Variants in PID1 observed in about 807,000 individuals in gnomAD.
The protein encoded by PID1 is PTB-containing, cubilin and LRP1-interacting protein.
Under a neutral mutation model 19.1 loss-of-function variants are expected in PID1, and 10 were observed. That is an observed-to-expected ratio of 0.52 (90% CI 0.32 to 0.89). PID1 has a LOEUF of 0.89. PID1 is among the 40% of genes least tolerant of loss of function. PID1 has a pLI of 0.03. For synonymous variants in PID1, 130 were observed against 116.0 expected (o/e 1.12, Z -0.78); for missense variants, 248 against 285.3 (o/e 0.87, Z 0.94).
intron 1 of PID1, among the ~76,000 whole-genome samples, chr2:229,173,705 G>A (rs531167851): frequency 2.5e-4 from 38 of 152,284 alleles, no homozygotes; most frequent in African/African-American, 7.9e-4. Context: ...AGGAAGCCTA[G>A]AGCTGGTAGT....
intron 2 of PID1, among the ~76,000 whole-genome samples, chr2:229,027,264 CTTT>C (rs1693444854): frequency 1.3e-5 from 2 of 152,224 alleles, no homozygotes; most frequent in Admixed American, 6.5e-5. Flanking sequence ...AAGAAAATAA[CTTT>C]TTAATAAAGA....
intron 2 of PID1, among the ~76,000 whole-genome samples, chr2:229,049,422 T>A (rs1381360249): frequency 6.6e-6 from 1 of 152,164 alleles, no homozygotes; most frequent in African/African-American, 2.4e-5. Flanking sequence ...TTGGCCAGAA[T>A]GTCTAGAATA....
chr2:229,088,804 G>A (rs988289661), intron 2 of PID1, among the ~76,000 whole-genome samples: 6 of 151,978 alleles, frequency 3.9e-5, no homozygotes, highest in East Asian at 1.9e-4. Context: ...ATCAAAAGCC[G>A]GTTCACTACT....
In PID1 at chr2:229,204,556, T is replaced by C. The variant is rs368849502; in HGVS notation, c.31-48592A>G. Among the ~76,000 whole-genome samples, 13 of 152,220 alleles carry C rather than the reference T, an allele frequency of 8.5e-5. No homozygotes were observed. The East Asian group carries it at 2.5e-3, about 29-fold the overall frequency. ...ATCTGTGCCCACCATTTTGTTTCAA[T>C]AGTATTTGATTAGTTTGTCCACCTA... On this transcript the variant is annotated intron_variant, in intron 1 of 2. Coordinates refer to ENST00000392055, the MANE Select transcript of PID1 (RefSeq NM_001100818.2).
intron 1 of PID1, among the ~76,000 whole-genome samples, chr2:229,267,008 C>T (rs1328915558): frequency 1.3e-5 from 2 of 151,974 alleles, no homozygotes; most frequent in Non-Finnish European, 2.9e-5. Context: ...AAAGTGGCAT[C>T]ATCATAGAGA....
At chr2:229,036,731 G>C (rs563246175) in intron 2 of PID1, among the ~76,000 whole-genome samples, 4 of 152,136 alleles carry the variant, frequency 2.6e-5, no homozygotes, top group Admixed American at 2.6e-4. Context: ...CTGGGCAACA[G>C]AGCTAGACTC....
chr2:229,240,984 T>C (rs1199734546), intron 1 of PID1, among the ~76,000 whole-genome samples: 1 of 152,158 alleles, frequency 6.6e-6, no homozygotes, highest in Non-Finnish European at 1.5e-5. Flanking sequence ...TTCAATTTGC[T>C]GTCAGGCCCA....
At chr2:229,141,293 A>G (rs1230365141) in intron 2 of PID1, among the ~76,000 whole-genome samples, 1 of 152,078 alleles carries the variant, frequency 6.6e-6, no homozygotes, top group African/African-American at 2.4e-5. Flanking sequence ...CCTCCAAACC[A>G]GATGTTCCTG....
intron 1 of PID1, among the ~76,000 whole-genome samples, chr2:229,266,553 TAAC>T (rs1690596505): frequency 6.6e-6 from 1 of 152,334 alleles, no homozygotes; most frequent in Admixed American, 6.5e-5. Context: ...TATTTATTAA[TAAC>T]AACAGCACCA....
At chr2:229,199,751 TACAC>T (rs142246557) in intron 1 of PID1, among the ~76,000 whole-genome samples, 2 of 140,214 alleles carry the variant, frequency 1.4e-5, no homozygotes, top group Non-Finnish European at 1.5e-5. Context: ...TATATACACA[TACAC>T]ACACACACAC....
chr2:229,199,380 G>A (rs1691443861), intron 1 of PID1, among the ~76,000 whole-genome samples: 1 of 151,796 alleles, frequency 6.6e-6, no homozygotes, highest in East Asian at 1.9e-4. Flanking sequence ...TCCACCATGG[G>A]AAGGGCTCTC....
intron 2 of PID1, among the ~76,000 whole-genome samples, chr2:229,149,104 A>G (rs1043464270): frequency 2.3e-4 from 35 of 151,500 alleles, no homozygotes; most frequent in African/African-American, 8.2e-4. Context: ...CTGTCTTGGT[A>G]TTAAAGTCAG....
At chr2:229,268,491 C>G (rs1690652385) in intron 1 of PID1, among the ~76,000 whole-genome samples, 1 of 152,112 alleles carries the variant, frequency 6.6e-6, no homozygotes, top group East Asian at 1.9e-4. Context: ...TCTTTTGATT[C>G]TAGGTATTGA....
At chr2:229,132,610 C>T (rs1028121103) in intron 2 of PID1, among the ~76,000 whole-genome samples, 2 of 152,116 alleles carry the variant, frequency 1.3e-5, no homozygotes, top group Non-Finnish European at 2.9e-5. Context: ...ACAAATTAAT[C>T]CAGGCTCATT....
intron 1 of PID1, among the ~76,000 whole-genome samples, chr2:229,250,745 G>A (rs889333492): frequency 1.2e-4 from 18 of 152,266 alleles, no homozygotes; most frequent in Middle Eastern, 3.4e-3. Flanking sequence ...GGTAGGACTC[G>A]AGGGGAAGCT....
At chr2:229,071,680 C>T (rs1015425213) in intron 2 of PID1, among the ~76,000 whole-genome samples, 2 of 152,154 alleles carry the variant, frequency 1.3e-5, no homozygotes, top group African/African-American at 4.8e-5. Context: ...TTAACTCTAC[C>T]TTTGAAATAA....
chr2:229,054,266 G>C (rs1694051450), intron 2 of PID1, among the ~76,000 whole-genome samples: 1 of 152,206 alleles, frequency 6.6e-6, no homozygotes, highest in Admixed American at 6.5e-5. Flanking sequence ...CAACAAAGGA[G>C]AGATCTGCGT....
At chr2:229,085,295 T>G (rs1694743114) in intron 2 of PID1, among the ~76,000 whole-genome samples, 1 of 152,036 alleles carries the variant, frequency 6.6e-6, no homozygotes, top group African/African-American at 2.4e-5. Context: ...TCACACAATT[T>G]GATGTGACTC....
At position 229,220,539 on chromosome 2, in the gene PID1, C is replaced by G. The variant is rs6717133; in HGVS notation, c.30+50475G>C. 5.5e-3 allele frequency among the ~76,000 whole-genome samples: 838 copies of G among 152,196 alleles called. 6 individuals are homozygous for G. Among genetic ancestry groups the G allele is most frequent in the African/African-American group, 0.019 (801 of 41,530 alleles). ...GAGCCTGTGCCAGGAAACTGAACCA[C>G]GGGTAGGAACTCCAACACCCAGGGA... On this transcript the variant is annotated intron_variant, in intron 1 of 2. Coordinates refer to ENST00000392055, the MANE Select transcript of PID1 (RefSeq NM_001100818.2).
Sources: allele counts gnomAD v4.1 joint callset (sites outside exome capture counted in the v4.1 genomes callset), GRCh38; gene constraint gnomAD v4.1.1; transcripts MANE v1.5; gene names NCBI Gene and HGNC (gene_info 2026-07-23, HGNC 2026-07-21).